Variants in CLIP2 observed in about 807,000 individuals in gnomAD.
The protein encoded by CLIP2 is CAP-Gly domain containing linker protein 2.
In CLIP2, 41 loss-of-function variants were observed where a neutral mutation model predicts 111.7. The observed-to-expected ratio is 0.37, with a 90% CI of 0.29 to 0.48. CLIP2 has a LOEUF of 0.48. CLIP2 is among the 20% of genes least tolerant of loss of function. The pLI, the probability that CLIP2 is intolerant of heterozygous loss-of-function variation, is 0.99. For missense variants in CLIP2, 1,160 were observed against 1,422.1 expected, an observed-to-expected ratio of 0.82 and a Z score of 2.96; for synonymous variants, 660 against 644.2, an observed-to-expected ratio of 1.02 and a Z score of -0.37.
intron 6 of CLIP2, among the ~76,000 whole-genome samples, chr7:74,359,811 G>A (rs550854768): frequency 8.1e-4 from 124 of 152,354 alleles, no homozygotes; most frequent in Admixed American, 1.7e-3. Context: ...GTCCCCATCT[G>A]GGGTCTGGCT....
Position 74,315,271 on chromosome 7 carries a change from G to A in CLIP2, c.-67-2209G>A, listed in dbSNP as rs142795459. 4.4e-4 allele frequency among the ~76,000 whole-genome samples: 67 copies of A among 151,964 alleles called. No individual in the cohort carries two copies. The East Asian group carries it at 6.8e-3, about 15-fold the overall frequency. On this transcript the variant is annotated intron_variant, in intron 1 of 16. Coordinates refer to ENST00000223398, the MANE Select transcript of CLIP2 (RefSeq NM_003388.5). ...AGCCTGGGCGAGAGAGCGAGAGTCCGTCACAAAAATACATTTAAAAAAATA... is the reference window on the plus strand; with the variant it reads ...AGCCTGGGCGAGAGAGCGAGAGTCCATCACAAAAATACATTTAAAAAAATA...
chr7:74,342,798 G>A (rs1005185212), intron 3 of CLIP2, among the ~76,000 whole-genome samples: 4 of 151,968 alleles, frequency 2.6e-5, no homozygotes, highest in South Asian at 2.1e-4. Context: ...CTATAATCCC[G>A]GCACTTTGAG....
intron 1 of CLIP2, among the ~76,000 whole-genome samples, chr7:74,304,330 C>A (rs1014443982): frequency 6.6e-6 from 1 of 151,836 alleles, no homozygotes; most frequent in Non-Finnish European, 1.5e-5. Flanking sequence ...AGTTCAAGAC[C>A]AGCCTGGCCA....
chr7:74,383,442 TTGTCTA>T (rs1791000531), intron 11 of CLIP2, among the ~76,000 whole-genome samples: 1 of 152,220 alleles, frequency 6.6e-6, no homozygotes, highest in Non-Finnish European at 1.5e-5. Flanking sequence ...TAGTCAAGCT[TTGTCTA>T]TGTTGTAATT....
intron 5 of CLIP2, among the ~76,000 whole-genome samples, 180 bp from the exon 6 acceptor site, chr7:74,357,100 G>A (rs926372652): frequency 1.2e-4 from 18 of 152,128 alleles, no homozygotes; most frequent in African/African-American, 3.6e-4. Flanking sequence ...AAGATTCCCC[G>A]CTGGGTGAGT....
At chr7:74,382,031 G>A (rs1486983786) in intron 11 of CLIP2, among the ~76,000 whole-genome samples, 1 of 152,128 alleles carries the variant, frequency 6.6e-6, no homozygotes, top group Non-Finnish European at 1.5e-5. Flanking sequence ...AAGGTAAAAG[G>A]TGTAACTTCA....
At position 74,371,684 on chromosome 7, in the gene CLIP2, C is replaced by T. The variant is rs563006258; in HGVS notation, c.1381-1248C>T. Among the ~76,000 whole-genome samples the T allele has an allele frequency of 6.8e-4, 68 of 100,298 alleles. 2 individuals are homozygous for T. The South Asian group carries it at 0.019, about 29-fold the overall frequency. 65.8% of individuals were successfully genotyped at this position (100,298 alleles called of 152,430 possible). ...GGGAAAAAGAAAGGAGGGAGAGAGA[C>T]GGGGGGGAGAAAGAAGAGAGAGAAA... On this transcript the variant is annotated intron_variant, in intron 8 of 16. Coordinates refer to ENST00000223398, the MANE Select transcript of CLIP2 (RefSeq NM_003388.5).
intron 13 of CLIP2, among the ~76,000 whole-genome samples, chr7:74,393,438 G>A (rs1419128135): frequency 6.6e-6 from 1 of 151,740 alleles, no homozygotes; most frequent in Non-Finnish European, 1.5e-5. Flanking sequence ...CTAGGTTCAA[G>A]TGATTCTCCT....
intron 13 of CLIP2, among the ~76,000 whole-genome samples, chr7:74,393,009 A>T (rs1374896741): frequency 6.9e-6 from 1 of 145,032 alleles, no homozygotes; most frequent in Non-Finnish European, 1.5e-5. Context: ...CTTACTCCCA[A>T]TTCCCCAGCC....
intron 1 of CLIP2, among the ~76,000 whole-genome samples, chr7:74,300,491 T>G (rs1788305961): frequency 6.6e-6 from 1 of 151,046 alleles, no homozygotes; most frequent in Non-Finnish European, 1.5e-5. Flanking sequence ...AGTCTCGCTC[T>G]GTCGCCCAGG....
At chr7:74,381,956 C>A (rs1008061468) in intron 11 of CLIP2, among the ~76,000 whole-genome samples, 1 of 152,176 alleles carries the variant, frequency 6.6e-6, no homozygotes, top group African/African-American at 2.4e-5. Context: ...GGTTGAAAAC[C>A]TGTTTCCCCT....
At chr7:74,388,900 G>A in intron 12 of CLIP2, 1 of 486,094 alleles carries the variant, frequency 2.1e-6, no homozygotes. Flanking sequence ...AGGCTGCAAT[G>A]AGCTATAATT....
intron 7 of CLIP2, among the ~76,000 whole-genome samples, chr7:74,360,963 C>A (rs1056517072): frequency 6.6e-6 from 1 of 152,042 alleles, no homozygotes; most frequent in Admixed American, 6.6e-5. Flanking sequence ...CCAGGTGTCC[C>A]TGGGGAGCCG....
chr7:74,394,297 C>A (rs1008659454), intron 13 of CLIP2, among the ~76,000 whole-genome samples: 1 of 134,866 alleles, frequency 7.4e-6, no homozygotes, highest in Non-Finnish European at 1.5e-5. Context: ...GTTGCCCAGG[C>A]TGGAGTGCAG....
In CLIP2 at chr7:74,289,589, G is replaced by T. The variant is rs1389400635; in HGVS notation, c.-213G>T. Reference sequence around the variant, plus strand: ...CTGAGCACCTATCGCGGGGATCCCCGGCGCCAGGAGGGGGTGCAGCCGGTG... The same window carrying T: ...CTGAGCACCTATCGCGGGGATCCCCTGCGCCAGGAGGGGGTGCAGCCGGTG... On this transcript the variant is annotated 5_prime_UTR_variant, in exon 1 of 17. Coordinates refer to ENST00000223398, the MANE Select transcript of CLIP2 (RefSeq NM_003388.5). 1 of 151,854 alleles carries T rather than the reference G, an allele frequency of 6.6e-6. No individual in the cohort carries two copies. The highest frequency in any genetic ancestry group is 1.5e-5 in the Non-Finnish European group (1 of 67,914). The allele number at this position is 151,854 out of a possible 1,614,324, so 9.4% of individuals were successfully genotyped here.
chr7:74,356,709 C>G, intron 5 of CLIP2, 86 bp downstream of exon 5: 1 of 1,258,206 alleles, frequency 7.9e-7, no homozygotes. Flanking sequence ...CTGGTCTGCC[C>G]CTGACTTACT....
intron 2 of CLIP2, among the ~76,000 whole-genome samples, chr7:74,328,911 T>TA (rs1789196216): frequency 6.7e-6 from 1 of 149,088 alleles, no homozygotes; most frequent in South Asian, 2.1e-4. Flanking sequence ...GTATTATTAT[T>TA]TATATATATA....
intron 2 of CLIP2, among the ~76,000 whole-genome samples, chr7:74,329,391 G>A (rs1263084598): frequency 6.6e-6 from 1 of 151,974 alleles, no homozygotes; most frequent in African/African-American, 2.4e-5. Flanking sequence ...GAAGCACCCG[G>A]GTTTGAATGT....
Position 74,400,433 on chromosome 7 carries a change from G to A in CLIP2, c.2944G>A (p.Glu982Lys), listed in dbSNP as rs782499097. Residue 982 changes from glutamate (E) to lysine (K), a missense_variant, in exon 15 of 17, where the codon GAG becomes AAG. Physicochemically the swap from Glu to Lys is moderately conservative, Grantham distance 56. Coordinates refer to ENST00000223398, the MANE Select transcript of CLIP2 (RefSeq NM_003388.5). ...YSLIDRSSAP[E>K]LLRLQHQLMS... ...CCTCATCGACCGGTCCTCGGCGCCCGAGCTTCTGCGGCTGCAGCACCAGCT... is the reference window on the plus strand; with the variant it reads ...CCTCATCGACCGGTCCTCGGCGCCCAAGCTTCTGCGGCTGCAGCACCAGCT... 20 of 1,613,964 alleles carry A rather than the reference G, an allele frequency of 1.2e-5. No individual in the cohort carries two copies. Among genetic ancestry groups the A allele is most frequent in the Non-Finnish European group, 1.6e-5 (19 of 1,179,962 alleles).
Sources: gnomAD v4.1 joint callset for allele counts (sites outside exome capture counted in the v4.1 genomes callset) on GRCh38, gnomAD v4.1.1 for gene constraint, MANE v1.5 for transcripts, NCBI Gene and HGNC (gene_info 2026-07-23, HGNC 2026-07-21) for gene names.